Variants in ADGB observed in about 807,000 individuals in gnomAD.
ADGB encodes the protein androglobin, also known as calpain-7-like protein.
In ADGB, 172 loss-of-function variants were observed where a neutral mutation model predicts 210.5. The ratio of observed to expected loss-of-function variants is 0.82; its 90% confidence interval spans 0.72 to 0.93. The LOEUF (loss-of-function observed/expected upper bound fraction) is 0.93. Ranked by LOEUF, ADGB falls within the 40% of genes least tolerant of loss-of-function variation. The pLI, the probability that ADGB is intolerant of heterozygous loss-of-function variation, is 0.00. For synonymous variants in ADGB, 658 were observed against 662.7 expected (o/e 0.99, Z 0.11); for missense variants, 2,025 against 1,964.8 (o/e 1.03, Z -0.58).
At position 146,599,125 on chromosome 6, in the gene ADGB, T is replaced by A; in HGVS notation, c.74+11T>A. 6.4e-7 allele frequency: 1 copy of A among 1,550,476 alleles called. No individual in the cohort carries two copies. The highest frequency in any genetic ancestry group is 8.7e-7 in the Non-Finnish European group (1 of 1,145,850). ...GGATAAATCGAAAGAGTAAGGGACCTCTGCCTGTCCGTCCCTCCCCTGGCC... is the reference window on the plus strand; with the variant it reads ...GGATAAATCGAAAGAGTAAGGGACCACTGCCTGTCCGTCCCTCCCCTGGCC... On this transcript the variant is annotated intron_variant, in intron 1 of 35. Transcript: ENST00000397944.
intron 13 of ADGB, 119 bp downstream of exon 13, chr6:146,701,189 G>T (rs1260646168): frequency 1.2e-5 from 14 of 1,145,108 alleles, no homozygotes; most frequent in Non-Finnish European, 1.6e-5. Context: ...ACAGTATAAA[G>T]AATAGTGTTA....
intron 13 of ADGB, among the ~76,000 whole-genome samples, chr6:146,703,134 T>C (rs1050726779): frequency 6.6e-6 from 1 of 151,930 alleles, no homozygotes; most frequent in Non-Finnish European, 1.5e-5. Context: ...TTGGGTTGTA[T>C]GTTCCTATTT....
At chr6:146,646,548 ACT>A (rs1328996429) in intron 3 of ADGB, among the ~76,000 whole-genome samples, 10 of 152,032 alleles carry the variant, frequency 6.6e-5, no homozygotes, top group Non-Finnish European at 4.4e-5. Context: ...AGGAGTCAAG[ACT>A]CTGTAACTTA....
At chr6:146,661,517 C>T (rs1475378738) in intron 5 of ADGB, among the ~76,000 whole-genome samples, 1 of 152,050 alleles carries the variant, frequency 6.6e-6, no homozygotes, top group Non-Finnish European at 1.5e-5. Flanking sequence ...CACACCCAAC[C>T]ACTGATATAG....
chr6:146,635,600 T>C, intron 2 of ADGB, 63 bp downstream of exon 2: 1 of 1,408,394 alleles, frequency 7.1e-7, no homozygotes, highest in Non-Finnish European at 9.4e-7. Flanking sequence ...GGAATGAGAT[T>C]TGTAAACATA....
chr6:146,649,410 CA>C (rs1383622481), intron 3 of ADGB, among the ~76,000 whole-genome samples: 1 of 151,808 alleles, frequency 6.6e-6, no homozygotes, highest in Non-Finnish European at 1.5e-5. Flanking sequence ...AAATAACTAG[CA>C]AAGGCAAACA....
intron 13 of ADGB, among the ~76,000 whole-genome samples, chr6:146,706,238 TG>T (rs1419597846): frequency 6.6e-6 from 1 of 151,148 alleles, no homozygotes; most frequent in Non-Finnish European, 1.5e-5. Flanking sequence ...GACAGTTTTT[TG>T]TTTTTTTTTT....
chr6:146,655,066 T>C (rs1775761098), intron 4 of ADGB, among the ~76,000 whole-genome samples: 1 of 152,166 alleles, frequency 6.6e-6, no homozygotes. Context: ...TTATTTGTCT[T>C]TGTTTGGCTT....
At chr6:146,791,921 C>CTTTTTTTT (rs66891404) in intron 33 of ADGB, among the ~76,000 whole-genome samples, 1 of 112,492 alleles carries the variant, frequency 8.9e-6, no homozygotes, top group East Asian at 2.6e-4. Context: ...CTGCACCTTG[C>CTTTTTTTT]TTTTTTTTTT....
chr6:146,653,963 G>A lies in ADGB; in HGVS notation c.331-172G>A, dbSNP rs146647297. On this transcript the variant is annotated intron_variant, in intron 3 of 35. Coordinates refer to ENST00000397944, the MANE Select transcript of ADGB (RefSeq NM_024694.4). ...ATGCCTAGTGTTCCATTATTGGAAC[G>A]CTAAGCATGTGGGAGTTATTTATAT... Among the ~76,000 whole-genome samples the A allele has an allele frequency of 4.2e-4, 64 of 152,146 alleles. No individual in the cohort carries two copies. The East Asian group carries it at 0.011, about 26-fold the overall frequency.
intron 19 of ADGB, among the ~76,000 whole-genome samples, chr6:146,727,926 G>A (rs547160009): frequency 3.2e-4 from 49 of 152,316 alleles, no homozygotes; most frequent in African/African-American, 1.0e-3. Context: ...AATTTCAGGA[G>A]AGAATCGGGA....
At chr6:146,702,967 A>T (rs1031976336) in intron 13 of ADGB, among the ~76,000 whole-genome samples, 6 of 151,762 alleles carry the variant, frequency 4.0e-5, no homozygotes, top group African/African-American at 1.4e-4. Context: ...GGGATTTTTT[A>T]AAAATTTTGC....
chr6:146,810,223 A>T (rs1439735247), intron 35 of ADGB, among the ~76,000 whole-genome samples: 1 of 152,232 alleles, frequency 6.6e-6, no homozygotes, highest in Non-Finnish European at 1.5e-5. Context: ...AGCATCATTA[A>T]TCATTAGAGA....
At chr6:146,631,245 G>A (rs556307921) in intron 1 of ADGB, among the ~76,000 whole-genome samples, 2 of 152,148 alleles carry the variant, frequency 1.3e-5, no homozygotes, top group Non-Finnish European at 1.5e-5. Flanking sequence ...ACACTACAAA[G>A]AATATTTCTT....
At chr6:146,622,510 C>T (rs1583562914) in intron 1 of ADGB, among the ~76,000 whole-genome samples, 1 of 152,086 alleles carries the variant, frequency 6.6e-6, no homozygotes, top group Admixed American at 6.6e-5. Context: ...TAGACCAGAT[C>T]GTATTTGAGG....
chr6:146,675,693 T>A (rs550880417), intron 8 of ADGB, among the ~76,000 whole-genome samples: 1 of 152,234 alleles, frequency 6.6e-6, no homozygotes, highest in Admixed American at 6.5e-5. Context: ...ATTAAAAAAA[T>A]CTTTGAGAAA....
At chr6:146,600,836 A>T (rs1456725174) in intron 1 of ADGB, among the ~76,000 whole-genome samples, 1 of 151,912 alleles carries the variant, frequency 6.6e-6, no homozygotes, top group Non-Finnish European at 1.5e-5. Flanking sequence ...GTAGGCACTC[A>T]AAAGTGTTTA....
At chr6:146,762,783 A>G (rs1025508546) in intron 27 of ADGB, among the ~76,000 whole-genome samples, 3 of 152,064 alleles carry the variant, frequency 2.0e-5, no homozygotes, top group East Asian at 3.9e-4. Context: ...TTGGGTCTCA[A>G]CTGAATGCTC....
chr6:146,656,644 A>G lies in ADGB; in HGVS notation c.403-127A>G. The G allele has an allele frequency of 6.2e-6, 4 of 647,044 alleles. No individual in the cohort carries two copies. The South Asian group carries it at 1.1e-4, about 18-fold the overall frequency. 40.1% of individuals were successfully genotyped at this position (647,044 alleles called of 1,614,324 possible). On this transcript the variant is annotated intron_variant, in intron 4 of 35. Transcript: ENST00000397944. The stretch of plus-strand genomic sequence containing the variant: ...TATTCTGTAGATCAGAAATGAAAGT[A>G]TGGAATACATTACATGTATAATTTA...
Sources: gnomAD v4.1 joint callset for allele counts (sites outside exome capture counted in the v4.1 genomes callset) on GRCh38, gnomAD v4.1.1 for gene constraint, MANE v1.5 for transcripts, NCBI Gene and HGNC (gene_info 2026-07-23, HGNC 2026-07-21) for gene names.